ACAP2: variants seen among roughly 807,000 people sequenced by gnomAD.
ACAP2 encodes the protein ArfGAP with coiled-coil, ankyrin repeat and PH domains 2.
In ACAP2, 39 loss-of-function variants were observed where a neutral mutation model predicts 115.8. That is an observed-to-expected ratio of 0.34 (90% CI 0.26 to 0.44). ACAP2 has a LOEUF of 0.44. Among genes scored for constraint, ACAP2 ranks in the 20% least tolerant of loss-of-function variants. The probability of loss-of-function intolerance (pLI) is 1.00; values close to 1 mark genes in which losing one functional copy is unlikely to be tolerated. For missense variants in ACAP2, 662 were observed against 927.6 expected (o/e 0.71, Z 3.72); for synonymous variants, 289 against 315.8 (o/e 0.92, Z 0.90).
rs776177485 is a variant in ACAP2 at position 195,295,833 on chromosome 3, T to G, written c.1547A>C (p.Tyr516Ser). The G allele has an allele frequency of 1.9e-6, 3 of 1,613,920 alleles. No individual in the cohort carries two copies. The Admixed American group carries it at 5.0e-5, about 27-fold the overall frequency. ...KYVERKFVDK[Y>S]SISLSPPEQQ... ...CTCAGGAGGTGATAATGATATAGAA[T>G]ATTTATCCACAAATTTCCTCTCCAC... Residue 516 changes from tyrosine to serine, a missense_variant, in exon 17 of 23, where the codon TAT (tyrosine) becomes TCT (serine). Physicochemically the swap from Tyr to Ser is moderately radical, Grantham distance 144 (BLOSUM62 -2). This residue lies in a region of ACAP2 where 133 missense variants were observed against 123.1 expected (regional missense o/e 1.08). Transcript: ENST00000326793.
At chr3:195,395,170 G>A (rs996709056) in intron 1 of ACAP2, among the ~76,000 whole-genome samples, 1 of 151,808 alleles carries the variant, frequency 6.6e-6, no homozygotes, top group Non-Finnish European at 1.5e-5. Flanking sequence ...CAATTTTTAC[G>A]AAGCACATAA....
At chr3:195,290,765 A>T (rs1727184073) in intron 20 of ACAP2, among the ~76,000 whole-genome samples, 1 of 152,032 alleles carries the variant, frequency 6.6e-6, no homozygotes, top group South Asian at 2.1e-4. Flanking sequence ...GTGAGCTGAG[A>T]TCGTGCTACT....
chr3:195,353,139 A>T (rs1731725760), intron 4 of ACAP2, among the ~76,000 whole-genome samples: 1 of 151,508 alleles, frequency 6.6e-6, no homozygotes, highest in Non-Finnish European at 1.5e-5. Context: ...CTCTTGGATC[A>T]CTTGTTTTAG....
At chr3:195,401,893 G>T (rs899478840) in intron 1 of ACAP2, among the ~76,000 whole-genome samples, 4 of 152,086 alleles carry the variant, frequency 2.6e-5, no homozygotes, top group Admixed American at 6.6e-5. Context: ...TCTGTAAAGA[G>T]GAAGCTGAAT....
chr3:195,381,250 A>T (rs1354225027), intron 3 of ACAP2, among the ~76,000 whole-genome samples, 188 bp from the exon 4 acceptor site: 1 of 152,176 alleles, frequency 6.6e-6, no homozygotes, highest in Non-Finnish European at 1.5e-5. Flanking sequence ...CGTGGTAACA[A>T]ATAAAACCCT....
At chr3:195,411,445 C>T (rs889280950) in intron 1 of ACAP2, among the ~76,000 whole-genome samples, 2 of 152,110 alleles carry the variant, frequency 1.3e-5, no homozygotes, top group African/African-American at 4.8e-5. Flanking sequence ...AATACGCATC[C>T]TTTTACCTAA....
intron 1 of ACAP2, among the ~76,000 whole-genome samples, chr3:195,405,991 C>A (rs1278094832): frequency 6.6e-6 from 1 of 152,130 alleles, no homozygotes; most frequent in Non-Finnish European, 1.5e-5. Context: ...CCAATCACCC[C>A]CACACCAGGC....
At position 195,306,624 on chromosome 3, in the gene ACAP2, G is replaced by A; in HGVS notation, c.1011-8C>T. On this transcript the variant is annotated splice_polypyrimidine_tract_variant and splice_region_variant and intron_variant, in intron 12 of 22. Coordinates refer to ENST00000326793, the MANE Select transcript of ACAP2 (RefSeq NM_012287.6). ...GCCTGGAGCATGCAACTTCTAAAAG[G>A]AAATAACATATTGTTTTCTCAGACA... is the stretch of plus-strand genomic sequence containing the variant. 6.2e-7 allele frequency: 1 copy of A among 1,603,588 alleles called. No homozygotes were observed. Among genetic ancestry groups the A allele is most frequent in the Non-Finnish European group, 8.5e-7 (1 of 1,173,172 alleles).
chr3:195,421,393 T>C (rs1298164850), intron 1 of ACAP2, among the ~76,000 whole-genome samples: 10 of 152,136 alleles, frequency 6.6e-5, no homozygotes, highest in Non-Finnish European at 1.3e-4. Flanking sequence ...GCAAAGATCT[T>C]GACACAAAGT....
chr3:195,289,305 A>G, intron 20 of ACAP2, 74 bp from the exon 21 acceptor site: 3 of 957,660 alleles, frequency 3.1e-6, no homozygotes, highest in Non-Finnish European at 4.9e-6. Context: ...AAAAAAAAAA[A>G]GTACTACTTA....
At chr3:195,301,698 C>T (rs975308466) in intron 14 of ACAP2, 54 bp from the exon 15 acceptor site, 33 of 1,526,934 alleles carry the variant, frequency 2.2e-5, no homozygotes, top group South Asian at 7.0e-5. Flanking sequence ...TGCGTATTTG[C>T]GCAAGTTCTG....
intron 8 of ACAP2, among the ~76,000 whole-genome samples, chr3:195,332,298 A>C (rs1730224874): frequency 6.6e-6 from 1 of 152,228 alleles, no homozygotes. Flanking sequence ...GCTATAACTC[A>C]ACTGAAAAGC....
intron 20 of ACAP2, among the ~76,000 whole-genome samples, chr3:195,291,402 C>A (rs1727245528): frequency 2.0e-5 from 3 of 152,184 alleles, no homozygotes; most frequent in Admixed American, 2.0e-4. Context: ...AACACAAACA[C>A]AGGCTTAAGT....
chr3:195,369,406 T>C (rs1462864064), intron 4 of ACAP2, among the ~76,000 whole-genome samples: 1 of 152,158 alleles, frequency 6.6e-6, no homozygotes, highest in Non-Finnish European at 1.5e-5. Flanking sequence ...TTTTTTCCGA[T>C]CCTCTCCCTC....
chr3:195,349,253 G>A (rs540681822), intron 4 of ACAP2, among the ~76,000 whole-genome samples: 5 of 152,054 alleles, frequency 3.3e-5, no homozygotes, highest in South Asian at 2.1e-4. Flanking sequence ...AGGCCAAAGC[G>A]GGCAGATCAC....
intron 8 of ACAP2, 88 bp from the exon 9 acceptor site, chr3:195,327,047 A>C (rs986868947): frequency 4.2e-6 from 5 of 1,185,370 alleles, no homozygotes; most frequent in Non-Finnish European, 6.0e-6. Flanking sequence ...TCACAGATAA[A>C]TAAAAAATCA....
At chr3:195,341,777 T>G (rs80278139) in intron 6 of ACAP2, among the ~76,000 whole-genome samples, 3,262 of 152,308 alleles carry the variant, frequency 0.021, 109 homozygotes, top group East Asian at 0.1. Flanking sequence ...TCACTCACAA[T>G]TATTGAAAAT....
intron 21 of ACAP2, 26 bp downstream of exon 21, chr3:195,289,095 T>C (rs574657993): frequency 1.2e-5 from 19 of 1,564,592 alleles, no homozygotes; most frequent in South Asian, 9.2e-5. Context: ...TGTATGGAAA[T>C]AGTCAAGTAA....
At chr3:195,370,333 T>C (rs111592530) in intron 4 of ACAP2, among the ~76,000 whole-genome samples, 3,261 of 152,308 alleles carry the variant, frequency 0.021, 113 homozygotes, top group East Asian at 0.1. Flanking sequence ...ATGTCATGAA[T>C]GGTATTTCCT....
Sources: allele counts gnomAD v4.1 joint callset (sites outside exome capture counted in the v4.1 genomes callset), GRCh38; gene constraint gnomAD v4.1.1; regional missense constraint gnomAD v4.1.1; transcripts MANE v1.5; gene names NCBI Gene and HGNC (gene_info 2026-07-23, HGNC 2026-07-21).